Variants in SLC11A2 observed in about 807,000 individuals in gnomAD.
SLC11A2 encodes solute carrier family 11 member 2.
Under a neutral mutation model 68.0 loss-of-function variants are expected in SLC11A2, and 38 were observed. That is an observed-to-expected ratio of 0.56 (90% CI 0.43 to 0.73). The LOEUF is 0.73. SLC11A2 is among the 30% of genes least tolerant of loss of function. The probability of loss-of-function intolerance (pLI) is 0.00; values close to 1 mark genes in which losing one functional copy is unlikely to be tolerated. For synonymous variants in SLC11A2, 242 were observed against 250.6 expected (o/e 0.97, Z 0.32); for missense variants, 517 against 690.5 (o/e 0.75, Z 2.82).
upstream of SLC11A2, among the ~76,000 whole-genome samples, chr12:51,027,175 TAAA>T (rs35801453): frequency 9.9e-5 from 14 of 141,828 alleles, no homozygotes; most frequent in Non-Finnish European, 1.1e-4. Context: ...AAACTCCGTC[TAAA>T]AAAAAAAAAA....
Position 50,996,155 on chromosome 12 carries a change from A to G in SLC11A2, c.832-368T>C, listed in dbSNP as rs553977218. Among the ~76,000 whole-genome samples, 15 of 152,332 alleles carry G rather than the reference A, an allele frequency of 9.8e-5. No homozygotes were observed. The South Asian group carries it at 3.1e-3, about 32-fold the overall frequency. On this transcript the variant is annotated intron_variant, in intron 9 of 15. Transcript: ENST00000262052. ...ATAAAGGTTTCTAAAATCTCCCAGC[A>G]AACTATTACATAATACTGACAGTAA...
Position 51,023,999 on chromosome 12 carries a change from T to G in SLC11A2, c.-39+2311A>C, listed in dbSNP as rs1409469425. Among the ~76,000 whole-genome samples the G allele has an allele frequency of 2.7e-5, 4 of 150,572 alleles. No homozygotes were observed. In the East Asian group the frequency reaches 7.8e-4, roughly 29 times the overall value. ...GAGCCAGACCTTGTCTTGTGGGGGGTGGGAGGGGAAGTCTTGAACTCTCTT... is the reference window on the plus strand; with the variant it reads ...GAGCCAGACCTTGTCTTGTGGGGGGGGGGAGGGGAAGTCTTGAACTCTCTT... On this transcript the variant is annotated intron_variant, in intron 1 of 15. Coordinates refer to ENST00000262052, the MANE Select transcript of SLC11A2 (RefSeq NM_000617.3).
chr12:51,021,516 A>G (rs1289306783), intron 1 of SLC11A2, among the ~76,000 whole-genome samples: 1 of 151,972 alleles, frequency 6.6e-6, no homozygotes, highest in Non-Finnish European at 1.5e-5. Flanking sequence ...AATCCCAGCT[A>G]CTTGGGAGGC....
rs1565988430 is a variant in SLC11A2, at chr12:50,991,657, T to C, written c.1363A>G (p.Ile455Val). 2 of 1,613,802 alleles carry C rather than the reference T, an allele frequency of 1.2e-6. No individual in the cohort carries two copies. The highest frequency in any genetic ancestry group is 1.7e-6 in the Non-Finnish European group (2 of 1,179,868). ...LQSLQLPFAL[I>V]PILTFTSLRP... Reference sequence around the variant, plus strand: ...AAGCTCGTAAATGTGAGGATGGGTATGAGAGCAAAGGGAAGCTGGAAAAGA... The same window carrying C: ...AAGCTCGTAAATGTGAGGATGGGTACGAGAGCAAAGGGAAGCTGGAAAAGA... The change falls in exon 14 of 16, where the codon ATA (isoleucine) becomes GTA (valine). Residue 455 changes from isoleucine to valine, a missense_variant. Coordinates refer to ENST00000262052, the MANE Select transcript of SLC11A2 (RefSeq NM_000617.3).
the SLC11A2 span, among the ~76,000 whole-genome samples, chr12:50,956,457 A>G: frequency 1.3e-5 from 2 of 152,218 alleles, no homozygotes; most frequent in Non-Finnish European, 2.9e-5. Flanking sequence ...AACAATATCT[A>G]CTATGTATTT....
At chr12:50,978,090 C>T, downstream of SLC11A2, among the ~76,000 whole-genome samples, 1 of 152,148 alleles carries the variant, frequency 6.6e-6, no homozygotes, top group Non-Finnish European at 1.5e-5. Flanking sequence ...GTGGCGATTC[C>T]TCAGGGATCT....
chr12:51,017,498 A>C (rs923571460), intron 1 of SLC11A2, among the ~76,000 whole-genome samples: 2 of 152,196 alleles, frequency 1.3e-5, no homozygotes, highest in Admixed American at 6.6e-5. Flanking sequence ...TGAGAGAAGG[A>C]AGGAGTAGGA....
At chr12:50,989,917 G>T (rs575646750) in intron 15 of SLC11A2, among the ~76,000 whole-genome samples, 2 of 152,184 alleles carry the variant, frequency 1.3e-5, no homozygotes, top group South Asian at 4.1e-4. Context: ...CCTAACCCCT[G>T]TGTCTTTTCA....
intron 1 of SLC11A2, among the ~76,000 whole-genome samples, chr12:51,014,999 A>G (rs543246633): frequency 8.6e-5 from 13 of 151,204 alleles, no homozygotes; most frequent in Middle Eastern, 3.5e-3. Context: ...CATCTCTACT[A>G]AAAATACAAA....
intron 11 of SLC11A2, among the ~76,000 whole-genome samples, chr12:50,993,825 T>A (rs189782998): frequency 6.8e-6 from 1 of 146,658 alleles, no homozygotes; most frequent in Admixed American, 6.8e-5. Flanking sequence ...CAAAACTCCA[T>A]CTCAAAAAGA....
chr12:50,961,832 G>A, the SLC11A2 span, among the ~76,000 whole-genome samples: 9,575 of 152,198 alleles, frequency 0.063, 661 homozygotes, highest in East Asian at 0.28. Context: ...ACAGAATGAT[G>A]GGCATGGGGC....
At chr12:50,988,654 T>C (rs1041022991) in intron 15 of SLC11A2, among the ~76,000 whole-genome samples, 6 of 152,214 alleles carry the variant, frequency 3.9e-5, no homozygotes, top group Non-Finnish European at 2.9e-5. Context: ...TTTTAAATAT[T>C]GAATTTCTCT....
downstream of SLC11A2, among the ~76,000 whole-genome samples, chr12:50,977,609 C>T (rs1341930867): frequency 6.6e-6 from 1 of 152,122 alleles, no homozygotes; most frequent in East Asian, 1.9e-4. Context: ...GTCTAAACCA[C>T]CAAAAGCAAT....
At chr12:51,008,365 T>C (rs550506985) in intron 3 of SLC11A2, 111 bp downstream of exon 3, 3 of 799,152 alleles carry the variant, frequency 3.8e-6, no homozygotes, top group East Asian at 2.5e-5. Context: ...TCTTCAGAGA[T>C]TGCCAGCCAA....
downstream of SLC11A2, among the ~76,000 whole-genome samples, chr12:50,975,109 G>C (rs1010393240): frequency 2.0e-5 from 3 of 152,176 alleles, no homozygotes; most frequent in Non-Finnish European, 4.4e-5. Flanking sequence ...AGGATATCCA[G>C]AAATTGAACT....
intron 15 of SLC11A2, among the ~76,000 whole-genome samples, chr12:50,989,034 C>T (rs1288388530): frequency 1.3e-5 from 2 of 152,130 alleles, no homozygotes; most frequent in Non-Finnish European, 2.9e-5. Flanking sequence ...TTCTTTTACC[C>T]AACTGTAAGT....
rs777177574 is a variant in SLC11A2, at chr12:50,992,337, T to A, written c.1200A>T (p.Gly400=). Residue 400 remains glycine, a splice_region_variant and synonymous_variant, in exon 13 of 16, where the codon GGA becomes GGT. Coordinates refer to ENST00000262052, the MANE Select transcript of SLC11A2 (RefSeq NM_000617.3). ...GTYSGQFVME[G]FLNLKWSRFA... ...AGCGTGACCACTTTAGGTTCAGGAA[T>A]CCCTGGAAGAAAACATAGGAGCAGA... The A allele has an allele frequency of 6.2e-7, 1 of 1,613,728 alleles. No individual in the cohort carries two copies.
chr12:51,000,774 C>G (rs1207026940), intron 5 of SLC11A2: 2 of 573,366 alleles, frequency 3.5e-6, no homozygotes, highest in Non-Finnish European at 6.1e-6. Flanking sequence ...AATAAGGATG[C>G]TAATACGGTC....
the SLC11A2 span, among the ~76,000 whole-genome samples, chr12:50,972,631 TCAGA>T: frequency 6.6e-6 from 1 of 152,160 alleles, no homozygotes; most frequent in Admixed American, 6.6e-5. Context: ...CTGGGGATTG[TCAGA>T]CAGTGGGTGC....
Sources: allele counts gnomAD v4.1 joint callset (sites outside exome capture counted in the v4.1 genomes callset), GRCh38; gene constraint gnomAD v4.1.1; transcripts MANE v1.5; gene names NCBI Gene and HGNC (gene_info 2026-07-23, HGNC 2026-07-21).